Variants in MTCL1 observed in about 807,000 individuals in gnomAD.
MTCL1 encodes microtubule crosslinking factor 1.
Under a neutral mutation model 141.4 loss-of-function variants are expected in MTCL1, and 79 were observed. The observed-to-expected ratio is 0.56, with a 90% confidence interval of 0.47 to 0.67. The LOEUF (loss-of-function observed/expected upper bound fraction) is 0.67. Ranked by LOEUF, MTCL1 falls within the 30% of genes least tolerant of loss-of-function variation. MTCL1 has a pLI of 0.00. For missense variants in MTCL1, 2,177 were observed against 2,113.9 expected (o/e 1.03, Z -0.59); for synonymous variants, 914 against 875.8 (o/e 1.04, Z -0.77).
At chr18:8,784,773 C>T in exon 6 of MTCL1, 1 of 1,613,916 alleles carries the variant, frequency 6.2e-7, no homozygotes, top group Non-Finnish European at 8.5e-7. Flanking sequence ...AGCTTCCTCT[C>T]CACTGTGACT....
chr18:8,758,037 T>TTTA (rs1342203539), intron 4 of MTCL1, among the ~76,000 whole-genome samples: 2 of 151,664 alleles, frequency 1.3e-5, no homozygotes, highest in South Asian at 2.1e-4. Context: ...TTTTTTTTTT[T>TTTA]TTGAGACAGA....
chr18:8,771,621 G>T (rs1008993618), intron 4 of MTCL1, among the ~76,000 whole-genome samples: 5 of 152,166 alleles, frequency 3.3e-5, no homozygotes, highest in African/African-American at 1.2e-4. Context: ...TTCTGAAATT[G>T]TGTGGAAGAA....
At chr18:8,778,772 C>T (rs1331255659) in intron 5 of MTCL1, among the ~76,000 whole-genome samples, 4 of 152,254 alleles carry the variant, frequency 2.6e-5, no homozygotes, top group African/African-American at 7.2e-5. Flanking sequence ...TCTGCCATCC[C>T]GTTGCTGGGT....
chr18:8,804,413 G>A (rs568313845), intron 10 of MTCL1, among the ~76,000 whole-genome samples: 92 of 152,134 alleles, frequency 6.0e-4, no homozygotes, highest in African/African-American at 2.0e-3. Context: ...GAGCCACAAC[G>A]CTAATTTTTA....
At position 8,724,291 on chromosome 18, in the gene MTCL1, A is replaced by G. The variant is rs536962030; in HGVS notation, c.357+3795A>G. Among the ~76,000 whole-genome samples, 3 of 152,170 alleles carry G rather than the reference A, an allele frequency of 2.0e-5. No individual in the cohort carries two copies. In the East Asian group the frequency reaches 5.8e-4, roughly 29 times the overall value. On this transcript the variant is annotated intron_variant, in intron 4 of 16. Transcript: ENST00000359865. The stretch of plus-strand genomic sequence containing the variant: ...CCAGGCGTGGTGGCGCACACCTGTA[A>G]TCCCAGCTACTCGGGAGGCTGAGGC...
At chr18:8,795,768 C>T (rs1416655029) in intron 8 of MTCL1, among the ~76,000 whole-genome samples, 4 of 152,060 alleles carry the variant, frequency 2.6e-5, no homozygotes, top group Admixed American at 6.5e-5. Context: ...TCTCTTCTGT[C>T]GGGGCTGTGG....
chr18:8,710,925 C>T (rs1161890890), intron 1 of MTCL1, among the ~76,000 whole-genome samples: 1 of 119,580 alleles, frequency 8.4e-6, no homozygotes, highest in African/African-American at 3.2e-5. Context: ...TTTTAGGGTA[C>T]ATGTGCACAT....
At chr18:8,785,448 G>T (rs1000940113) in intron 6 of MTCL1, among the ~76,000 whole-genome samples, 1 of 152,092 alleles carries the variant, frequency 6.6e-6, no homozygotes, top group Non-Finnish European at 1.5e-5. Flanking sequence ...CCCTGCCGCC[G>T]CTGGGGAGGG....
rs190611775 is a variant in MTCL1 at position 8,817,108 on chromosome 18, C to T, written c.2860-1855C>T. On this transcript the variant is annotated intron_variant, in intron 12 of 16. Transcript: ENST00000359865. ...CTCCTCTTTAGTCATTCTTTTCCCC[C>T]TTCACTCACACCCTCAGTGCACATT... is the stretch of plus-strand genomic sequence containing the variant. Among the ~76,000 whole-genome samples the T allele has an allele frequency of 2.9e-3, 436 of 152,300 alleles. 2 individuals are homozygous for T. Among genetic ancestry groups the T allele is most frequent in the African/African-American group, 1.0e-2 (415 of 41,570 alleles).
exon 15 of MTCL1, chr18:8,825,623 C>T (rs762531318): frequency 1.4e-5 from 22 of 1,613,758 alleles, no homozygotes; most frequent in Non-Finnish European, 1.9e-5. Context: ...GACAGGTGGC[C>T]CCTGCCATCG....
Position 8,830,816 on chromosome 18 carries a change from G to A in MTCL1, c.*19-791G>A. The A allele has an allele frequency of 5.1e-6, 5 of 985,438 alleles. No homozygotes were observed. The highest frequency in any genetic ancestry group is 6.0e-6 in the Non-Finnish European group (5 of 829,944). 61.0% of individuals were successfully genotyped at this position (985,438 alleles called of 1,614,324 possible). A position where few individuals can be genotyped will look rare whatever the true frequency, so the allele number is the denominator to read the frequency against. The stretch of plus-strand genomic sequence containing the variant: ...GTGTCCTGGTTTTGTAACATGTAAG[G>A]ACAAGGAGCTCAACATTCTTTAAAA... On this transcript the variant is annotated intron_variant, in intron 16 of 16. Transcript: ENST00000359865. This position sits in a 1 kb window ranked among gnomAD's most constrained non-coding sequence, Gnocchi z 6.4.
At chr18:8,784,596 T>G in exon 6 of MTCL1, 1 of 1,612,170 alleles carries the variant, frequency 6.2e-7, no homozygotes, top group Non-Finnish European at 8.5e-7. Context: ...GGGCCTGGCC[T>G]CCAGGGCGAA....
chr18:8,716,304 C>T (rs938324014), upstream of MTCL1, among the ~76,000 whole-genome samples: 13 of 152,112 alleles, frequency 8.5e-5, no homozygotes, highest in African/African-American at 3.1e-4. Flanking sequence ...CAGATGAGTC[C>T]TGGTCAAGTG....
chr18:8,773,580 T>A (rs1598592306), intron 4 of MTCL1, among the ~76,000 whole-genome samples: 1 of 152,220 alleles, frequency 6.6e-6, no homozygotes, highest in Admixed American at 6.5e-5. Flanking sequence ...AATCTATCAA[T>A]CTTTTCTCTG....
chr18:8,708,772 TC>T (rs1369491959), intron 1 of MTCL1, among the ~76,000 whole-genome samples: 1 of 152,204 alleles, frequency 6.6e-6, no homozygotes, highest in Non-Finnish European at 1.5e-5. Context: ...GTCACATAAA[TC>T]CCACTGCCAG....
intron 10 of MTCL1, among the ~76,000 whole-genome samples, chr18:8,803,953 A>T (rs904014681): frequency 1.1e-4 from 17 of 152,248 alleles, no homozygotes; most frequent in Non-Finnish European, 1.5e-4. Context: ...GTAACTTGGC[A>T]TTCATAGAAA....
rs144446702 is a variant in MTCL1, at chr18:8,718,661, G to C, written c.198+13G>C. 3.7e-6 allele frequency: 6 copies of C among 1,611,484 alleles called. No individual in the cohort carries two copies. The African/African-American group carries it at 5.3e-5, about 14-fold the overall frequency. On this transcript the variant is annotated intron_variant, in intron 3 of 16. Transcript: ENST00000359865. ...GCAGGACTTGAAGGTGAGTGAGGGGGTGGTGCGTGCACCTCGCAAGGCTGC... is the reference window on the plus strand; with the variant it reads ...GCAGGACTTGAAGGTGAGTGAGGGGCTGGTGCGTGCACCTCGCAAGGCTGC...
intron 4 of MTCL1, among the ~76,000 whole-genome samples, chr18:8,773,160 C>G (rs2096491828): frequency 6.6e-6 from 1 of 152,174 alleles, no homozygotes; most frequent in Non-Finnish European, 1.5e-5. Context: ...TGGTGCATGT[C>G]TCTTGTCCTT....
Position 8,798,143 on chromosome 18 carries a change from A to AG in MTCL1, c.2294dup (p.His766SerfsTer11), listed in dbSNP as rs1409748030. 2.5e-6 allele frequency: 4 copies of AG among 1,595,234 alleles called. No individual in the cohort carries two copies. Among genetic ancestry groups the AG allele is most frequent in the African/African-American group, 1.4e-5 (1 of 73,692 alleles). ...TCCAGGCTCGGGGAGCTTGGAGTCCAGGGGGGTCACCAGGCGGATGGCCCA... is the reference window on the plus strand; with the variant it reads ...TCCAGGCTCGGGGAGCTTGGAGTCCAGGGGGGGTCACCAGGCGGATGGCCCA... On this transcript the variant is annotated frameshift_variant, in exon 10 of 17. Transcript: ENST00000359865. LOFTEE classifies it high-confidence loss of function.
Sources: gnomAD v4.1 joint callset for allele counts (sites outside exome capture counted in the v4.1 genomes callset) on GRCh38, gnomAD v4.1.1 for gene constraint, Gnocchi (gnomAD v3.1) non-coding constraint, MANE v1.5 for transcripts, NCBI Gene and HGNC (gene_info 2026-07-23, HGNC 2026-07-21) for gene names.